The following ZZEF1 variants were observed in gnomAD, a reference collection of about 807,000 sequenced individuals.
ZZEF1 encodes zinc finger ZZ-type and EF-hand domain containing 1.
In ZZEF1, 157 loss-of-function variants were observed where a neutral mutation model predicts 342.8. The ratio of observed to expected loss-of-function variants is 0.46; its 90% CI spans 0.40 to 0.52. The LOEUF is 0.52. Ranked by LOEUF, ZZEF1 falls within the 20% of genes least tolerant of loss-of-function variation. The probability of loss-of-function intolerance (pLI) is 0.00; values close to 1 mark genes in which losing one functional copy is unlikely to be tolerated. For synonymous variants in ZZEF1, 1,505 were observed against 1,429.1 expected, an observed-to-expected ratio of 1.05 and a Z score of -1.20; for missense variants, 3,480 against 3,725.6, an observed-to-expected ratio of 0.93 and a Z score of 1.72.
chr17:4,074,908 CA>C (rs2057579561), intron 23 of ZZEF1, among the ~76,000 whole-genome samples, 188 bp downstream of exon 23: 1 of 152,150 alleles, frequency 6.6e-6, no homozygotes. Flanking sequence ...GGCTGTGTTC[CA>C]AAAAAATTTG....
chr17:4,081,298 G>T, intron 18 of ZZEF1, 78 bp downstream of exon 18: 3 of 1,170,452 alleles, frequency 2.6e-6, no homozygotes, highest in East Asian at 2.3e-5. Flanking sequence ...AAGAGGCAAA[G>T]GGGGGCACAA....
intron 27 of ZZEF1, among the ~76,000 whole-genome samples, chr17:4,066,903 G>A (rs1324957877): frequency 1.3e-5 from 2 of 152,114 alleles, no homozygotes; most frequent in Non-Finnish European, 2.9e-5. Context: ...TATCTAAAGC[G>A]ATGCTGTTCC....
At chr17:4,105,864 A>G in intron 6 of ZZEF1, 55 bp from the exon 7 acceptor site, 1 of 1,436,542 alleles carries the variant, frequency 7.0e-7, no homozygotes, top group Non-Finnish European at 9.6e-7. Context: ...GAATTTAGAC[A>G]AAAAATAAAC....
chr17:4,006,496 G>A lies in ZZEF1; in HGVS notation c.*394C>T, dbSNP rs2055802867. On this transcript the variant is annotated 3_prime_UTR_variant, in exon 55 of 55. Coordinates refer to ENST00000381638, the MANE Select transcript of ZZEF1 (RefSeq NM_015113.4). ...CTGGAAAGGTGGATCTGGGTGGACT[G>A]TGCCTCCCTCTGAAGGCAAGTGCAG... 1 of 275,778 alleles carries A rather than the reference G, an allele frequency of 3.6e-6. No individual in the cohort carries two copies. Among genetic ancestry groups the A allele is most frequent in the South Asian group, 3.3e-5 (1 of 30,122 alleles). The allele number at this position is 275,778 out of a possible 1,614,324, so 17.1% of individuals were successfully genotyped here.
chr17:4,060,140 T>C (rs1265420956), intron 30 of ZZEF1, among the ~76,000 whole-genome samples: 3 of 152,224 alleles, frequency 2.0e-5, no homozygotes, highest in African/African-American at 7.2e-5. Flanking sequence ...AACAGCTGAA[T>C]GTCATGGAGG....
At chr17:4,085,121 A>G (rs555586749) in intron 16 of ZZEF1, among the ~76,000 whole-genome samples, 1 of 152,302 alleles carries the variant, frequency 6.6e-6, no homozygotes, top group East Asian at 1.9e-4. Flanking sequence ...AAAAACAAAC[A>G]AACAAAAAAA....
intron 1 of ZZEF1, among the ~76,000 whole-genome samples, chr17:4,126,079 A>G (rs1438723289): frequency 6.6e-6 from 1 of 151,992 alleles, no homozygotes; most frequent in Non-Finnish European, 1.5e-5. Flanking sequence ...ACAAAAAATT[A>G]GCCAGGCATG....
intron 1 of ZZEF1, among the ~76,000 whole-genome samples, chr17:4,125,081 T>C (rs1303165966): frequency 6.6e-6 from 1 of 152,112 alleles, no homozygotes; most frequent in South Asian, 2.1e-4. Flanking sequence ...GGCCCTGTAG[T>C]GTTCCCCTTC....
At position 4,017,622 on chromosome 17, in the gene ZZEF1, G is replaced by C; in HGVS notation, c.7750C>G (p.Arg2584Gly). The change falls in exon 48 of 55, where the codon CGT becomes GGT. Residue 2584 changes from arginine to glycine, a missense_variant. Arg to Gly is a moderately radical substitution (Grantham distance 125). Coordinates refer to ENST00000381638, the MANE Select transcript of ZZEF1 (RefSeq NM_015113.4). The surrounding 1 kb of genome is among the most constrained non-coding windows in gnomAD (Gnocchi z 5.1). ...TGCAGGAGGGCGGCGCTCTTGCTACGGCGCTGCTTGGCATAGCTCTGCTGC... is the reference window on the plus strand; with the variant it reads ...TGCAGGAGGGCGGCGCTCTTGCTACCGCGCTGCTTGGCATAGCTCTGCTGC... ...ELQQSYAKQR[R>G]SKSAALLHKE... 1 of 1,614,174 alleles carries C rather than the reference G, an allele frequency of 6.2e-7. No individual in the cohort carries two copies.
intron 11 of ZZEF1, 89 bp downstream of exon 11, chr17:4,095,742 T>C (rs2058022412): frequency 7.1e-7 from 1 of 1,407,038 alleles, no homozygotes; most frequent in Non-Finnish European, 9.6e-7. Context: ...GCAAGCACAG[T>C]TCACCAATGA....
chr17:4,013,202 C>T (rs747665052), intron 52 of ZZEF1, among the ~76,000 whole-genome samples: 6 of 152,090 alleles, frequency 3.9e-5, no homozygotes, highest in Non-Finnish European at 7.4e-5. Context: ...AGATACTCCT[C>T]TAAGTGTGAA....
chr17:4,074,991 A>C (rs1255075863), intron 23 of ZZEF1, 106 bp downstream of exon 23: 3 of 1,118,760 alleles, frequency 2.7e-6, no homozygotes, highest in Non-Finnish European at 3.9e-6. Context: ...AACGTGTAAC[A>C]TAAATGCCTC....
At chr17:4,029,729 C>T (rs2056496148) in intron 42 of ZZEF1, among the ~76,000 whole-genome samples, 1 of 151,790 alleles carries the variant, frequency 6.6e-6, no homozygotes, top group Non-Finnish European at 1.5e-5. Context: ...CAAAAATTAG[C>T]CGGGCATAGT....
chr17:4,081,302 G>A, intron 18 of ZZEF1, 74 bp downstream of exon 18: 1 of 1,210,134 alleles, frequency 8.3e-7, no homozygotes, highest in Admixed American at 1.8e-5. Context: ...GGCAAAGGGG[G>A]GCACAAGAGA....
chr17:4,075,174 C>A lies in ZZEF1; in HGVS notation c.3406G>T (p.Asp1136Tyr). 1 of 1,614,206 alleles carries A rather than the reference C, an allele frequency of 6.2e-7. No homozygotes were observed. Among genetic ancestry groups the A allele is most frequent in the Non-Finnish European group, 8.5e-7 (1 of 1,180,044 alleles). ...CTAGCGTCGGTAAATTCCAGATAAT[C>A]ATACCTGTGAAGGCATAACCTCTAT... ...DDRCETEKRY[D>Y]YLEFTDARGR... The change falls in exon 23 of 55, where the codon GAT (aspartate) becomes TAT (tyrosine). Residue 1136 changes from aspartate to tyrosine, a missense_variant. Around this residue, in one of 5 missense-constraint regions of ZZEF1, gnomAD observed 1,528 missense variants for 1,624.1 expected, o/e 0.94. Transcript: ENST00000381638.
chr17:4,113,721 C>A lies in ZZEF1; in HGVS notation c.866+578G>T, dbSNP rs1217905577. On this transcript the variant is annotated intron_variant, in intron 4 of 54. Transcript: ENST00000381638. ...GGGTGCAGTGGCTCACACCTATAAA[C>A]CCAACACTTTGGGAGGCCAAGATAG... 6.0e-5 allele frequency among the ~76,000 whole-genome samples: 9 copies of A among 150,176 alleles called. No homozygotes were observed. In the South Asian group the frequency reaches 1.9e-3, roughly 32 times the overall value.
Position 4,076,665 on chromosome 17 carries a change from C to T in ZZEF1, c.3206G>A (p.Cys1069Tyr), listed in dbSNP as rs1163841772. The change falls in exon 21 of 55, where the codon TGT becomes TAT. Residue 1069 changes from cysteine (C) to tyrosine (Y), a missense_variant. Cys to Tyr is a radical substitution (Grantham distance 194, BLOSUM62 -2). Around this residue, in one of 5 missense-constraint regions of ZZEF1, gnomAD observed 1,528 missense variants for 1,624.1 expected, o/e 0.94. Coordinates refer to ENST00000381638, the MANE Select transcript of ZZEF1 (RefSeq NM_015113.4). ...SVLTELLKKL[C>Y]SGPEGGLRKL... is the part of the protein sequence containing the mutation. ...CCTCAGTCCTCCTTCGGGGCCACTACAGAGCTTCTTCAGGAGTTCTGTGAG... is the reference window on the plus strand; with the variant it reads ...CCTCAGTCCTCCTTCGGGGCCACTATAGAGCTTCTTCAGGAGTTCTGTGAG... 2.5e-6 allele frequency: 4 copies of T among 1,612,692 alleles called. No homozygotes were observed. Among genetic ancestry groups the T allele is most frequent in the East Asian group, 2.2e-5 (1 of 44,814 alleles).
intron 45 of ZZEF1, 170 bp from the exon 46 acceptor site, chr17:4,019,939 C>T: frequency 1.9e-6 from 1 of 530,914 alleles, no homozygotes; most frequent in Non-Finnish European, 3.3e-6. Flanking sequence ...AGCACCAAAA[C>T]ATGGACTATA....
At chr17:4,113,558 A>T (rs2058347817) in intron 4 of ZZEF1, among the ~76,000 whole-genome samples, 1 of 152,058 alleles carries the variant, frequency 6.6e-6, no homozygotes, top group Non-Finnish European at 1.5e-5. Context: ...CCAGCCACCC[A>T]GGAGGCTGAG....
Sources: gnomAD v4.1 joint callset for allele counts (sites outside exome capture counted in the v4.1 genomes callset) on GRCh38, gnomAD v4.1.1 for gene constraint, gnomAD v4.1.1 regional missense constraint, Gnocchi (gnomAD v3.1) non-coding constraint, MANE v1.5 for transcripts, NCBI Gene and HGNC (gene_info 2026-07-23, HGNC 2026-07-21) for gene names.